Variants in MYO10 observed in about 807,000 individuals in gnomAD.
MYO10 encodes the protein unconventional myosin-X.
A neutral mutation model predicts 257.3 loss-of-function variants in MYO10; 133 were observed. The observed-to-expected ratio is 0.52, with a 90% confidence interval of 0.45 to 0.60. The LOEUF is 0.60. MYO10 is among the 20% of genes least tolerant of loss of function. The probability of loss-of-function intolerance (pLI) is 0.00; values close to 1 mark genes in which losing one functional copy is unlikely to be tolerated. For missense variants in MYO10, 2,399 were observed against 2,635.7 expected, an observed-to-expected ratio of 0.91 and a Z score of 1.97; for synonymous variants, 1,104 against 1,028.6, an observed-to-expected ratio of 1.07 and a Z score of -1.40.
intron 2 of MYO10, among the ~76,000 whole-genome samples, chr5:16,876,479 T>C (rs1359079876): frequency 6.6e-6 from 1 of 152,172 alleles, no homozygotes; most frequent in Non-Finnish European, 1.5e-5. Context: ...TAGTCAGTCT[T>C]CTTCTTACAG....
chr5:16,815,906 T>C (rs922128480), intron 3 of MYO10, among the ~76,000 whole-genome samples: 9 of 33,356 alleles, frequency 2.7e-4, no homozygotes, highest in African/African-American at 3.9e-4. Flanking sequence ...TGGAAAATAT[T>C]TTAATCTAAA....
At chr5:16,796,974 T>C (rs1167453296) in intron 3 of MYO10, among the ~76,000 whole-genome samples, 1 of 122,748 alleles carries the variant, frequency 8.1e-6, no homozygotes, top group Non-Finnish European at 1.8e-5. Flanking sequence ...CCAGGGGGGT[T>C]GGCGGAGGGT....
At chr5:16,845,753 C>T (rs1743616147) in intron 2 of MYO10, among the ~76,000 whole-genome samples, 1 of 152,048 alleles carries the variant, frequency 6.6e-6, no homozygotes, top group Admixed American at 6.6e-5. Flanking sequence ...ATCACAAGGT[C>T]AAGATATTGA....
intron 26 of MYO10, among the ~76,000 whole-genome samples, chr5:16,695,409 G>A (rs1737702473): frequency 6.6e-6 from 1 of 152,032 alleles, no homozygotes; most frequent in African/African-American, 2.4e-5. Context: ...TGATTCCAGG[G>A]TTGACTGATA....
In MYO10 at chr5:16,910,482, T is replaced by C. The variant is rs1222546787; in HGVS notation, c.21+25306A>G. 1.3e-5 allele frequency among the ~76,000 whole-genome samples: 2 copies of C among 152,220 alleles called. 1 individual carries two copies. The highest frequency in any genetic ancestry group is 4.1e-4 in the South Asian group (2 of 4,834). On this transcript the variant is annotated intron_variant, in intron 1 of 40. Transcript: ENST00000513610. ...AATGGGAATCATAATTTGTTCTTCA[T>C]AGAGTTGGAAGGACCACGTGAAAAT... is the stretch of plus-strand genomic sequence containing the variant.
At chr5:16,844,954 G>GCACA (rs70943809) in intron 2 of MYO10, among the ~76,000 whole-genome samples, 56 of 142,404 alleles carry the variant, frequency 3.9e-4, no homozygotes, top group South Asian at 2.2e-3. Flanking sequence ...ACACACACAC[G>GCACA]CACACACACA....
chr5:16,763,460 C>G lies in MYO10; in HGVS notation c.1494+21G>C, dbSNP rs368941029. The G allele has an allele frequency of 5.1e-5, 81 of 1,593,306 alleles. No homozygotes were observed. The Admixed American group carries it at 1.4e-3, about 27-fold the overall frequency. Reference sequence around the variant, plus strand: ...AGCTGGACCCCCTTGGGACTGTAACCATTCTTCAAAAATACATTACCTTCT... The same window carrying G: ...AGCTGGACCCCCTTGGGACTGTAACGATTCTTCAAAAATACATTACCTTCT... On this transcript the variant is annotated intron_variant, in intron 14 of 40. Transcript: ENST00000513610.
At chr5:16,909,852 G>A (rs1469966892) in intron 1 of MYO10, among the ~76,000 whole-genome samples, 1 of 152,106 alleles carries the variant, frequency 6.6e-6, no homozygotes. Context: ...CTCACTCTTA[G>A]TTCCTATGAG....
At chr5:16,817,868 TA>T in intron 3 of MYO10, 140 bp downstream of exon 3, 1 of 800,610 alleles carries the variant, frequency 1.2e-6, no homozygotes, top group Non-Finnish European at 1.8e-6. Flanking sequence ...CCCAAGTTTC[TA>T]ATGTGGCAAA....
chr5:16,716,693 GTGGC>G (rs1040534699), intron 19 of MYO10, among the ~76,000 whole-genome samples: 2 of 151,922 alleles, frequency 1.3e-5, no homozygotes. Context: ...CCAGGAAGAC[GTGGC>G]TGGGGGTGGT....
At chr5:16,723,607 G>A (rs918672840) in intron 19 of MYO10, among the ~76,000 whole-genome samples, 7 of 152,228 alleles carry the variant, frequency 4.6e-5, no homozygotes, top group Middle Eastern at 6.8e-3. Flanking sequence ...GCGACTGCCC[G>A]CTGAGGTATT....
chr5:16,815,353 A>C (rs1742571670), intron 3 of MYO10: 2 of 666,978 alleles, frequency 3.0e-6, no homozygotes, highest in Admixed American at 2.5e-5. Context: ...AATCCAAAAT[A>C]TTCCCAATGA....
intron 19 of MYO10, among the ~76,000 whole-genome samples, chr5:16,747,644 C>T (rs898204518): frequency 3.9e-5 from 6 of 152,096 alleles, no homozygotes; most frequent in Admixed American, 2.6e-4. Context: ...AGAGGCTGGA[C>T]GCGGTGGCTC....
chr5:16,866,660 C>T lies in MYO10; in HGVS notation c.120+10949G>A, dbSNP rs146352036. The stretch of plus-strand genomic sequence containing the variant: ...GAGAGAAAAAGGGGTAAGATGTCTC[C>T]ACTTTATGATGAAGATAAAAATATA... On this transcript the variant is annotated intron_variant, in intron 2 of 40. Transcript: ENST00000513610. Among the ~76,000 whole-genome samples, 158 of 151,968 alleles carry T rather than the reference C, an allele frequency of 1.0e-3. 1 individual carries two copies. The highest frequency in any genetic ancestry group is 3.6e-3 in the African/African-American group (150 of 41,438).
chr5:16,815,612 CA>C (rs1429032304), intron 3 of MYO10: 1 of 602,884 alleles, frequency 1.7e-6, no homozygotes, highest in Non-Finnish European at 2.9e-6. Flanking sequence ...TCCAGGAAGA[CA>C]AAATAAGTCC....
At chr5:16,857,839 C>A (rs1744003348) in intron 2 of MYO10, among the ~76,000 whole-genome samples, 1 of 152,204 alleles carries the variant, frequency 6.6e-6, no homozygotes, top group African/African-American at 2.4e-5. Flanking sequence ...GGAGGCTGTA[C>A]CATTTGGTGT....
chr5:16,860,631 T>A (rs143676815), intron 2 of MYO10, among the ~76,000 whole-genome samples: 52 of 152,156 alleles, frequency 3.4e-4, no homozygotes, highest in African/African-American at 1.1e-3. Context: ...AACAGAGTGT[T>A]CAACTTGAGA....
intron 2 of MYO10, among the ~76,000 whole-genome samples, chr5:16,875,405 T>C (rs1459304027): frequency 3.3e-5 from 5 of 152,160 alleles, no homozygotes; most frequent in Non-Finnish European, 4.4e-5. Context: ...CAGTGCCTGA[T>C]ACTAAAGTTG....
At chr5:16,769,397 C>T (rs1262835876) in intron 9 of MYO10, among the ~76,000 whole-genome samples, 194 bp from the exon 10 acceptor site, 3 of 152,166 alleles carry the variant, frequency 2.0e-5, no homozygotes, top group African/African-American at 4.8e-5. Context: ...TGCAGTGGCA[C>T]GATCTTGGCT....
Sources: allele counts gnomAD v4.1 joint callset (sites outside exome capture counted in the v4.1 genomes callset), GRCh38; gene constraint gnomAD v4.1.1; transcripts MANE v1.5; gene names NCBI Gene and HGNC (gene_info 2026-07-23, HGNC 2026-07-21).